CCPG1: variants seen among roughly 807,000 people sequenced by gnomAD.
CCPG1 encodes the protein cell cycle progression 1.
CCPG1 carries 46 observed loss-of-function variants against 81.3 expected under a neutral mutation model. The observed-to-expected ratio is 0.57, with a 90% confidence interval of 0.45 to 0.72. CCPG1 has a LOEUF of 0.72. CCPG1 is among the 30% of genes least tolerant of loss of function. CCPG1 has a pLI of 0.00. For missense variants in CCPG1, 902 were observed against 937.6 expected (o/e 0.96, Z 0.50); for synonymous variants, 330 against 305.2 (o/e 1.08, Z -0.85).
chr15:55,358,914 G>A, intron 8 of CCPG1: 2 of 958,446 alleles, frequency 2.1e-6, no homozygotes, highest in Non-Finnish European at 2.5e-6. Context: ...AACATTTGAA[G>A]ATTAGGTAAG....
chr15:55,394,968 T>C (rs574791701), intron 1 of CCPG1, among the ~76,000 whole-genome samples: 11 of 152,280 alleles, frequency 7.2e-5, no homozygotes, highest in Admixed American at 3.3e-4. Flanking sequence ...CTCTGCTATA[T>C]AGACCTCTAA....
intron 5 of CCPG1, among the ~76,000 whole-genome samples, chr15:55,375,398 C>A (rs774874883): frequency 6.6e-6 from 1 of 151,888 alleles, no homozygotes; most frequent in Non-Finnish European, 1.5e-5. Flanking sequence ...GGAAAGGAAG[C>A]GGGGGTGGGG....
intron 3 of CCPG1, among the ~76,000 whole-genome samples, chr15:55,383,448 G>A (rs1317638485): frequency 6.6e-6 from 1 of 152,186 alleles, no homozygotes; most frequent in East Asian, 1.9e-4. Flanking sequence ...TCAACTTAAA[G>A]TCACCAGCTA....
intron 3 of CCPG1, among the ~76,000 whole-genome samples, chr15:55,379,824 C>T (rs890261589): frequency 6.6e-6 from 1 of 152,002 alleles, no homozygotes; most frequent in African/African-American, 2.4e-5. Context: ...AAAGGCCGGG[C>T]ACAGTGGCTC....
intron 1 of CCPG1, among the ~76,000 whole-genome samples, chr15:55,401,433 G>T (rs188802245): frequency 1.3e-5 from 2 of 152,248 alleles, no homozygotes; most frequent in East Asian, 3.9e-4. Flanking sequence ...TTGGGAGGCC[G>T]AGGCGGGTGA....
At chr15:55,376,822 T>C in intron 5 of CCPG1, 127 bp downstream of exon 5, 3 of 665,276 alleles carry the variant, frequency 4.5e-6, no homozygotes, top group Non-Finnish European at 7.7e-6. Context: ...CACACAAAAA[T>C]AGTCTTGTCT....
Position 55,362,547 on chromosome 15 carries a change from G to A in CCPG1, c.829-1603C>T, listed in dbSNP as rs78640141. Among the ~76,000 whole-genome samples, 3 of 152,306 alleles carry A rather than the reference G, an allele frequency of 2.0e-5. No individual in the cohort carries two copies. In the East Asian group the frequency reaches 5.8e-4, roughly 29 times the overall value. Reference sequence around the variant, plus strand: ...AACAGCAGTGGACTGTGGAGTAGAAGAGACTGATGCACTGGTGTGGCATAA... The same window carrying A: ...AACAGCAGTGGACTGTGGAGTAGAAAAGACTGATGCACTGGTGTGGCATAA... On this transcript the variant is annotated intron_variant, in intron 7 of 8. Transcript: ENST00000442196.
At chr15:55,363,330 C>A (rs1456203084) in intron 7 of CCPG1, among the ~76,000 whole-genome samples, 2 of 151,300 alleles carry the variant, frequency 1.3e-5, no homozygotes, top group African/African-American at 2.4e-5. Context: ...GCCTGGGCAA[C>A]AGAGCGAGGC....
At chr15:55,357,304 T>C (rs1053149064) in intron 8 of CCPG1, 2 of 984,224 alleles carry the variant, frequency 2.0e-6, no homozygotes, top group African/African-American at 3.5e-5. Context: ...ACAAGAAATA[T>C]CAATGTTACT....
At chr15:55,362,684 C>G (rs1477336348) in intron 7 of CCPG1, among the ~76,000 whole-genome samples, 2 of 152,152 alleles carry the variant, frequency 1.3e-5, no homozygotes, top group Non-Finnish European at 2.9e-5. Flanking sequence ...CTGACCAGGT[C>G]TTCCAAAGAG....
intron 1 of CCPG1, among the ~76,000 whole-genome samples, chr15:55,401,277 A>G (rs1002579083): frequency 6.6e-6 from 1 of 152,064 alleles, no homozygotes; most frequent in African/African-American, 2.4e-5. Flanking sequence ...CCACTGATCT[A>G]TTTTCTATTC....
At chr15:55,388,442 C>G (rs954782566) in intron 2 of CCPG1, among the ~76,000 whole-genome samples, 1 of 152,136 alleles carries the variant, frequency 6.6e-6, no homozygotes, top group Non-Finnish European at 1.5e-5. Flanking sequence ...TCTGCTATAA[C>G]GTAAATGGAA....
intron 6 of CCPG1, among the ~76,000 whole-genome samples, chr15:55,371,109 T>C (rs1342069884): frequency 6.6e-6 from 1 of 151,918 alleles, no homozygotes; most frequent in Non-Finnish European, 1.5e-5. Context: ...TGGGACTCCG[T>C]CTCCAAAAAA....
In CCPG1 at chr15:55,355,508, AG is replaced by A; in HGVS notation, c.*711del. ...TAAATACTTCGGTAAACACTGGGTA[AG>A]ATTCATGGAACTTAGAAAAAAGCTG... On this transcript the variant is annotated 3_prime_UTR_variant, in exon 9 of 9. Transcript: ENST00000442196. 8.3e-7 allele frequency: 1 copy of A among 1,201,664 alleles called. No individual in the cohort carries two copies. Among genetic ancestry groups the A allele is most frequent in the Non-Finnish European group, 1.2e-6 (1 of 852,680 alleles). 74.4% of individuals were successfully genotyped at this position (1,201,664 alleles called of 1,614,324 possible).
At chr15:55,361,043 T>C in intron 7 of CCPG1, 99 bp from the exon 8 acceptor site, 1 of 1,294,474 alleles carries the variant, frequency 7.7e-7, no homozygotes, top group Non-Finnish European at 1.0e-6. Flanking sequence ...TTTGTGTCTT[T>C]ACTTCTACAG....
intron 6 of CCPG1, among the ~76,000 whole-genome samples, chr15:55,367,231 G>A (rs1286467281): frequency 1.3e-5 from 2 of 152,104 alleles, no homozygotes; most frequent in Admixed American, 6.5e-5. Context: ...AGTTCCCAGA[G>A]TAACAGAAAA....
chr15:55,360,572 G>A lies in CCPG1; in HGVS notation c.1201C>T (p.Gln401Ter), dbSNP rs759254385. 3.1e-6 allele frequency: 5 copies of A among 1,614,012 alleles called. No homozygotes were observed. Among genetic ancestry groups the A allele is most frequent in the Non-Finnish European group, 4.2e-6 (5 of 1,179,982 alleles). ...LVTTALRGEL[Q>*]QLSGSQLHGK... ...TGTAACTGACTACCACTTAACTGCT[G>A]GAGTTCCCCCCTTAAAGCCGTAGTT... The change falls in exon 8 of 9, where the codon CAG becomes TAG. Residue 401 changes from glutamine to a stop codon, truncating the protein, a stop_gained. Coordinates refer to ENST00000442196, the MANE Select transcript of CCPG1 (RefSeq NM_001204450.2). LOFTEE classifies it high-confidence loss of function.
intron 7 of CCPG1, among the ~76,000 whole-genome samples, chr15:55,362,976 G>A (rs2056235201): frequency 6.6e-6 from 1 of 152,040 alleles, no homozygotes; most frequent in African/African-American, 2.4e-5. Flanking sequence ...AGAAGTTAAG[G>A]CAGCAGTGAG....
At chr15:55,371,523 T>C (rs1176200348) in intron 6 of CCPG1, among the ~76,000 whole-genome samples, 1 of 152,230 alleles carries the variant, frequency 6.6e-6, no homozygotes, top group African/African-American at 2.4e-5. Flanking sequence ...AGATTTTTAA[T>C]CTTCCAATCT....
Sources: allele counts gnomAD v4.1 joint callset (sites outside exome capture counted in the v4.1 genomes callset), GRCh38; gene constraint gnomAD v4.1.1; transcripts MANE v1.5; gene names NCBI Gene and HGNC (gene_info 2026-07-23, HGNC 2026-07-21).